PTK2: variants seen among roughly 807,000 people sequenced by gnomAD.
PTK2 encodes focal adhesion kinase 1.
A neutral mutation model predicts 150.1 loss-of-function variants in PTK2; 45 were observed. The ratio of observed to expected loss-of-function variants is 0.30; its 90% CI spans 0.24 to 0.38. The LOEUF (loss-of-function observed/expected upper bound fraction) is 0.38. Ranked by LOEUF, PTK2 falls within the 10% of genes least tolerant of loss-of-function variation. The pLI is 1.00. For missense variants in PTK2, 919 were observed against 1,307.3 expected, an observed-to-expected ratio of 0.70 and a Z score of 4.58; for synonymous variants, 432 against 449.2, an observed-to-expected ratio of 0.96 and a Z score of 0.48.
chr8:140,766,463 C>G (rs1262005654), intron 14 of PTK2, among the ~76,000 whole-genome samples: 2 of 152,144 alleles, frequency 1.3e-5, no homozygotes, highest in Non-Finnish European at 2.9e-5. Flanking sequence ...TAATCATGTT[C>G]CCTGACTCAT....
chr8:140,717,836 A>T (rs1380903224), intron 22 of PTK2, 127 bp from the exon 26 acceptor site: 4 of 682,100 alleles, frequency 5.9e-6, no homozygotes, highest in Non-Finnish European at 7.9e-6. Context: ...AGGATCCTAT[A>T]CACAGGGGAA....
intron 20 of PTK2, among the ~76,000 whole-genome samples, chr8:140,740,270 A>G (rs2100054945): frequency 6.6e-6 from 1 of 152,228 alleles, no homozygotes; most frequent in Non-Finnish European, 1.5e-5. Context: ...TAGTGAATAC[A>G]TGCCAAGTGT....
intron 1 of PTK2, among the ~76,000 whole-genome samples, chr8:140,996,714 C>T (rs961999895): frequency 2.2e-4 from 34 of 152,176 alleles, no homozygotes; most frequent in African/African-American, 8.2e-4. Context: ...ATATTTTAAG[C>T]CCACTGTTGA....
chr8:140,702,856 A>T, intron 24 of PTK2, 149 bp from the exon 28 acceptor site: 2 of 915,392 alleles, frequency 2.2e-6, no homozygotes, highest in Non-Finnish European at 3.2e-6. Context: ...TCCCTTGAAC[A>T]TGTGAATATG....
intron 5 of PTK2, among the ~76,000 whole-genome samples, chr8:140,855,219 C>G (rs1351023006): frequency 6.6e-6 from 1 of 152,056 alleles, no homozygotes; most frequent in Non-Finnish European, 1.5e-5. Flanking sequence ...TCACTATGTG[C>G]CAGACATTTC....
chr8:140,866,140 A>T (rs1038472432), intron 4 of PTK2, among the ~76,000 whole-genome samples: 5 of 152,184 alleles, frequency 3.3e-5, no homozygotes, highest in Non-Finnish European at 7.4e-5. Flanking sequence ...GAAAGGTATA[A>T]TTATTCGCAT....
At chr8:140,875,743 T>A (rs2100145108) in intron 4 of PTK2, among the ~76,000 whole-genome samples, 1 of 152,220 alleles carries the variant, frequency 6.6e-6, no homozygotes, top group Non-Finnish European at 1.5e-5. Flanking sequence ...GTTATTCCAC[T>A]AATTTGTTTC....
chr8:140,787,097 A>G (rs1264379937), intron 14 of PTK2, among the ~76,000 whole-genome samples: 3 of 152,218 alleles, frequency 2.0e-5, no homozygotes, highest in Non-Finnish European at 4.4e-5. Flanking sequence ...GTTTCTGACC[A>G]GAGAACTGCC....
intron 25 of PTK2, among the ~76,000 whole-genome samples, chr8:140,701,546 T>C (rs1213963980): frequency 6.6e-6 from 1 of 152,044 alleles, no homozygotes; most frequent in African/African-American, 2.4e-5. Flanking sequence ...CAACTATGGG[T>C]TGTGTTACTG....
chr8:140,839,316 A>G (rs1158250008), intron 7 of PTK2, among the ~76,000 whole-genome samples: 2 of 152,166 alleles, frequency 1.3e-5, no homozygotes, highest in African/African-American at 4.8e-5. Flanking sequence ...AGTGTAAACA[A>G]AGCCCCCTGG....
chr8:140,732,972 C>T (rs2100050430), intron 22 of PTK2, among the ~76,000 whole-genome samples: 1 of 152,096 alleles, frequency 6.6e-6, no homozygotes, highest in African/African-American at 2.4e-5. Context: ...CAATCTCAGG[C>T]CATAATGAAA....
At chr8:140,857,509 C>T (rs1053776358) in intron 5 of PTK2, among the ~76,000 whole-genome samples, 8 of 152,264 alleles carry the variant, frequency 5.3e-5, no homozygotes, top group Non-Finnish European at 1.2e-4. Context: ...CTATATAAAC[C>T]AGGACCAGAT....
chr8:140,901,933 T>C (rs1275456349), intron 2 of PTK2, among the ~76,000 whole-genome samples: 1 of 152,314 alleles, frequency 6.6e-6, no homozygotes, highest in South Asian at 2.1e-4. Flanking sequence ...CTGTGTTAGT[T>C]TGCCAAGAAT....
At chr8:140,881,724 T>C (rs886742634) in intron 3 of PTK2, among the ~76,000 whole-genome samples, 3 of 152,226 alleles carry the variant, frequency 2.0e-5, no homozygotes, top group South Asian at 4.1e-4. Context: ...GCTTCTCCAG[T>C]TGCCTTCTGT....
rs73373571 is a variant in PTK2 at position 140,864,532 on chromosome 8, T to C, written c.363-133A>G. ...GATTTCAAATAAAAGCTATCATCAA[T>C]TAATCTTTAAATGTAATTTTTAAAC... On this transcript the variant is annotated intron_variant, in intron 4 of 31. Transcript: ENST00000522684. The C allele has an allele frequency of 3.8e-3, 1,899 of 494,826 alleles. 31 individuals are homozygous for C. Among genetic ancestry groups the C allele is most frequent in the African/African-American group, 0.033 (1,664 of 49,686 alleles). The allele number at this position is 494,826 out of a possible 1,614,324, so 30.7% of individuals were successfully genotyped here.
In PTK2 at chr8:140,742,442, A is replaced by C. The variant is rs146731301; in HGVS notation, c.1735+788T>G. 2.9e-4 allele frequency among the ~76,000 whole-genome samples: 44 copies of C among 152,348 alleles called. No individual in the cohort carries two copies. In the East Asian group the frequency reaches 7.7e-3, roughly 27 times the overall value. ...ATAACACTTGTATGCTTAATTTTTA[A>C]AGAATTTGCCAAACTTTCTTCCAGA... On this transcript the variant is annotated intron_variant, in intron 20 of 31. Transcript: ENST00000522684.
intron 16 of PTK2, 111 bp downstream of exon 19, chr8:140,761,054 C>A: frequency 1.4e-6 from 1 of 716,976 alleles, no homozygotes; most frequent in East Asian, 2.6e-5. Flanking sequence ...TAAAAGACAC[C>A]CGTAAATATT....
At chr8:140,867,952 A>G (rs1019258896) in intron 4 of PTK2, among the ~76,000 whole-genome samples, 6 of 152,198 alleles carry the variant, frequency 3.9e-5, no homozygotes, top group Non-Finnish European at 8.8e-5. Context: ...TTAAGAGTCT[A>G]GTTGCATCCT....
At chr8:140,992,418 T>C (rs1428235054) in intron 1 of PTK2, among the ~76,000 whole-genome samples, 1 of 151,774 alleles carries the variant, frequency 6.6e-6, no homozygotes, top group East Asian at 1.9e-4. Flanking sequence ...TGCAGTGAGC[T>C]GAGAAAGTGC....
Sources: allele counts gnomAD v4.1 joint callset (sites outside exome capture counted in the v4.1 genomes callset), GRCh38; gene constraint gnomAD v4.1.1; transcripts MANE v1.5; gene names NCBI Gene and HGNC (gene_info 2026-07-23, HGNC 2026-07-21).